TIPRL: variants seen among roughly 807,000 people sequenced by gnomAD.
TIPRL encodes the protein TIP41-like protein.
A neutral mutation model predicts 32.3 loss-of-function variants in TIPRL; 10 were observed. That is an observed-to-expected ratio of 0.31 (90% CI 0.19 to 0.52). The LOEUF (loss-of-function observed/expected upper bound fraction) is 0.52, where lower values mean the gene tolerates loss of function less well. TIPRL is among the 20% of genes least tolerant of loss of function. The probability of loss-of-function intolerance (pLI) is 0.96; values close to 1 mark genes in which losing one functional copy is unlikely to be tolerated. For missense variants in TIPRL, 250 were observed against 328.1 expected (o/e 0.76, Z 1.84); for synonymous variants, 100 against 114.0 (o/e 0.88, Z 0.78).
chr1:168,189,895 T>G (rs1700070881), intron 3 of TIPRL, among the ~76,000 whole-genome samples: 1 of 152,238 alleles, frequency 6.6e-6, no homozygotes. Context: ...AGATTCATTT[T>G]GACCAATCAC....
At chr1:168,183,803 C>A in intron 1 of TIPRL, 99 bp from the exon 2 acceptor site, 1 of 1,240,368 alleles carries the variant, frequency 8.1e-7, no homozygotes, top group Non-Finnish European at 1.1e-6. Context: ...TGCTGTGTAA[C>A]TCATTCAGCA....
chr1:168,183,761 C>A, intron 1 of TIPRL, 141 bp from the exon 2 acceptor site: 1 of 836,914 alleles, frequency 1.2e-6, no homozygotes, highest in Non-Finnish European at 1.8e-6. Flanking sequence ...ATTTTATAGA[C>A]CTTGCAAATA....
Position 168,186,074 on chromosome 1 carries a change from CAAAAAAAAAAAAAA to C in TIPRL, c.384+1212_384+1225del, listed in dbSNP as rs56699636. Among the ~76,000 whole-genome samples the C allele has an allele frequency of 4.8e-4, 27 of 56,056 alleles. 2 individuals carry two copies. In the South Asian group the frequency reaches 0.017, roughly 34 times the overall value. 36.8% of individuals were successfully genotyped at this position (56,056 alleles called of 152,430 possible). A position where few individuals can be genotyped will look rare whatever the true frequency, so the allele number is the denominator to read the frequency against. ...TGGGCGACAGAGCGAGACTCCGTCTCAAAAAAAAAAAAAAAAAAAAAAAAAAAAAGAGAGAGATT... is the reference window on the plus strand; with the variant it reads ...TGGGCGACAGAGCGAGACTCCGTCTCAAAAAAAAAAAAAAAGAGAGAGATT... On this transcript the variant is annotated intron_variant, in intron 3 of 6. Transcript: ENST00000367833.
At position 168,201,799 on chromosome 1, in the gene TIPRL, GTGTGTGTA is replaced by G. The variant is rs1700210862; in HGVS notation, c.*1755_*1762del. 6.7e-6 allele frequency: 1 copy of G among 148,936 alleles called. No homozygotes were observed. The highest frequency in any genetic ancestry group is 6.7e-5 in the Admixed American group (1 of 14,952). 9.2% of individuals were successfully genotyped at this position (148,936 alleles called of 1,614,324 possible). A position where few individuals can be genotyped will look rare whatever the true frequency, so the allele number is the denominator to read the frequency against. On this transcript the variant is annotated 3_prime_UTR_variant, in exon 7 of 7. Coordinates refer to ENST00000367833, the MANE Select transcript of TIPRL (RefSeq NM_152902.5). The stretch of plus-strand genomic sequence containing the variant: ...TGTGTGTGTGTGTGTGTGTGTGTGT[GTGTGTGTA>G]TACAGACATTTTTTTTTTAACTTGT...
chr1:168,195,888 A>G (rs1274281112), intron 4 of TIPRL, among the ~76,000 whole-genome samples: 1 of 152,108 alleles, frequency 6.6e-6, no homozygotes, highest in African/African-American at 2.4e-5. Flanking sequence ...TATTCATTTT[A>G]AAGACCCAAA....
chr1:168,192,872 G>A (rs1207914577), intron 4 of TIPRL, among the ~76,000 whole-genome samples: 3 of 149,836 alleles, frequency 2.0e-5, no homozygotes, highest in Admixed American at 6.7e-5. Context: ...GGCAACAAGC[G>A]AGACTCCGTC....
At chr1:168,196,947 C>T (rs1228742052) in intron 5 of TIPRL, among the ~76,000 whole-genome samples, 1 of 152,118 alleles carries the variant, frequency 6.6e-6, no homozygotes, top group Non-Finnish European at 1.5e-5. Context: ...TTAACTCTTA[C>T]CTTTGTTTAC....
chr1:168,183,180 A>G (rs1049852330), intron 1 of TIPRL, among the ~76,000 whole-genome samples: 3 of 152,168 alleles, frequency 2.0e-5, no homozygotes, highest in African/African-American at 7.2e-5. Context: ...CATCATATGG[A>G]TATACTTTGG....
At chr1:168,198,670 T>A (rs1700181867) in intron 5 of TIPRL, among the ~76,000 whole-genome samples, 1 of 152,342 alleles carries the variant, frequency 6.6e-6, no homozygotes, top group South Asian at 2.1e-4. Flanking sequence ...ATCTTTGCTA[T>A]GTTTCTCTTA....
At chr1:168,197,478 C>T (rs1232391803) in intron 5 of TIPRL, among the ~76,000 whole-genome samples, 1 of 151,950 alleles carries the variant, frequency 6.6e-6, no homozygotes, top group Admixed American at 6.6e-5. Flanking sequence ...TAAACATAAG[C>T]TATATTTTTG....
intron 5 of TIPRL, among the ~76,000 whole-genome samples, chr1:168,197,301 A>G (rs1429756858): frequency 6.8e-6 from 1 of 147,096 alleles, no homozygotes; most frequent in Non-Finnish European, 1.5e-5. Context: ...AAAAAAAAAA[A>G]GAAACATACC....
chr1:168,184,954 G>C, intron 3 of TIPRL, 76 bp downstream of exon 3: 1 of 880,414 alleles, frequency 1.1e-6, no homozygotes, highest in Non-Finnish European at 1.7e-6. Flanking sequence ...CTAGTAACGG[G>C]TTATTTTTTG....
intron 2 of TIPRL, 137 bp downstream of exon 2, chr1:168,184,218 T>C (rs1315139191): frequency 3.5e-6 from 3 of 864,508 alleles, no homozygotes; most frequent in Non-Finnish European, 5.1e-6. Flanking sequence ...TTGAGAGTTG[T>C]ATCATTCTAG....
intron 5 of TIPRL, among the ~76,000 whole-genome samples, chr1:168,197,111 C>T (rs537286406): frequency 1.3e-4 from 20 of 152,132 alleles, no homozygotes; most frequent in African/African-American, 3.6e-4. Flanking sequence ...ATCAGGAGTT[C>T]GAGACCAGCC....
intron 3 of TIPRL, among the ~76,000 whole-genome samples, chr1:168,189,569 CT>C (rs1390212970): frequency 1.3e-5 from 2 of 152,194 alleles, no homozygotes; most frequent in East Asian, 3.9e-4. Context: ...TGGTCTCAAA[CT>C]CCTGACCTCA....
Position 168,178,981 on chromosome 1 carries a change from C to G in TIPRL, c.-97C>G. The G allele has an allele frequency of 8.8e-7, 1 of 1,134,736 alleles. No individual in the cohort carries two copies. The highest frequency in any genetic ancestry group is 1.5e-5 in the South Asian group (1 of 65,844). 70.3% of individuals were successfully genotyped at this position (1,134,736 alleles called of 1,614,324 possible). A position where few individuals can be genotyped will look rare whatever the true frequency, so the allele number is the denominator to read the frequency against. On this transcript the variant is annotated 5_prime_UTR_variant, in exon 1 of 7. Coordinates refer to ENST00000367833, the MANE Select transcript of TIPRL (RefSeq NM_152902.5). ...CCGGGCATGGTAACGGCTCGGAAGC[C>G]TAGGAGGCTGGGCCGGAGGGAGGCG...
intron 3 of TIPRL, among the ~76,000 whole-genome samples, chr1:168,186,486 G>T (rs1179901129): frequency 6.6e-6 from 1 of 151,948 alleles, no homozygotes; most frequent in Admixed American, 6.6e-5. Flanking sequence ...ACAGAGAAAG[G>T]CTCTGTTTCA....
chr1:168,190,664 A>G (rs978558553), intron 3 of TIPRL, among the ~76,000 whole-genome samples: 6 of 152,224 alleles, frequency 3.9e-5, no homozygotes, highest in African/African-American at 1.4e-4. Flanking sequence ...GTGGTAGAAA[A>G]TAGTATCACA....
Position 168,200,023 on chromosome 1 carries a change from C to T in TIPRL, c.796C>T (p.Gln266Ter). 1 of 1,612,428 alleles carries T rather than the reference C, an allele frequency of 6.2e-7. No individual in the cohort carries two copies. Among genetic ancestry groups the T allele is most frequent in the Non-Finnish European group, 8.5e-7 (1 of 1,179,346 alleles). ...AATTGATCCTAACCCAGCAGACTCACAAAAAAGTACACAAGTGGAATAAAA... is the reference window on the plus strand; with the variant it reads ...AATTGATCCTAACCCAGCAGACTCATAAAAAAGTACACAAGTGGAATAAAA... ...ERIDPNPADSQKSTQVE is the reference protein window; with the variant it reads ...ERIDPNPADS Residue 266 changes from glutamine (Q) to a stop codon, truncating the protein, a stop_gained, in exon 7 of 7, where the codon CAA (glutamine) becomes TAA (stop). Transcript: ENST00000367833. LOFTEE classifies it high-confidence loss of function.
Sources: allele counts gnomAD v4.1 joint callset (sites outside exome capture counted in the v4.1 genomes callset), GRCh38; gene constraint gnomAD v4.1.1; transcripts MANE v1.5; gene names NCBI Gene and HGNC (gene_info 2026-07-23, HGNC 2026-07-21).